The following TSPAN5 variants were observed in gnomAD, a reference collection of about 807,000 sequenced individuals.
The protein encoded by TSPAN5 is tetraspanin 5, also known as tetraspanin-5.
In TSPAN5, 10 loss-of-function variants were observed where a neutral mutation model predicts 37.1. That is an observed-to-expected ratio of 0.27 (90% CI 0.17 to 0.46). TSPAN5 has a LOEUF of 0.46. Among genes scored for constraint, TSPAN5 ranks in the 20% least tolerant of loss-of-function variants. The pLI is 1.00. For synonymous variants in TSPAN5, 110 were observed against 118.9 expected (o/e 0.93, Z 0.48); for missense variants, 195 against 326.6 (o/e 0.60, Z 3.11).
At position 98,533,946 on chromosome 4, in the gene TSPAN5, A is replaced by AAAAAAAAAAAC. The variant is rs1157024919; in HGVS notation, c.82-26219_82-26218insGTTTTTTTTTT. Among the ~76,000 whole-genome samples, 402 of 140,288 alleles carry AAAAAAAAAAAC rather than the reference A, an allele frequency of 2.9e-3. 23 individuals are homozygous for AAAAAAAAAAAC. The highest frequency in any genetic ancestry group is 6.3e-3 in the South Asian group (27 of 4,256). The allele number at this position is 140,288 out of a possible 152,430, so 92.0% of individuals were successfully genotyped here. A position where few individuals can be genotyped will look rare whatever the true frequency, so the allele number is the denominator to read the frequency against. ...TATCCATTTTGTTGATCTTAAAAAAAAAAAAAAAAAAAAAAACCAGCTCCT... is the reference window on the plus strand; with the variant it reads ...TATCCATTTTGTTGATCTTAAAAAAAAAAAAAAAAACAAAAAAAAAAAAAAAACCAGCTCCT... On this transcript the variant is annotated intron_variant, in intron 1 of 7. Coordinates refer to ENST00000305798, the MANE Select transcript of TSPAN5 (RefSeq NM_005723.4).
intron 7 of TSPAN5, among the ~76,000 whole-genome samples, chr4:98,475,816 C>T (rs1029251757): frequency 6.6e-5 from 10 of 151,920 alleles, no homozygotes; most frequent in East Asian, 1.9e-4. Flanking sequence ...GGTGAAACCC[C>T]GTCTCTATTA....
intron 1 of TSPAN5, among the ~76,000 whole-genome samples, chr4:98,574,025 C>A (rs17027779): frequency 0.17 from 25,764 of 152,074 alleles, 2,601 homozygotes; most frequent in East Asian, 0.42. Flanking sequence ...AAACTGGCCA[C>A]AATGTCATCA....
At chr4:98,561,162 A>C (rs987564979) in intron 1 of TSPAN5, among the ~76,000 whole-genome samples, 20 of 152,218 alleles carry the variant, frequency 1.3e-4, no homozygotes, top group African/African-American at 4.6e-4. Context: ...AAACAAATAT[A>C]TCCACTCCAT....
chr4:98,551,473 G>GT (rs1754613350), intron 1 of TSPAN5, among the ~76,000 whole-genome samples: 1 of 141,518 alleles, frequency 7.1e-6, no homozygotes, highest in Non-Finnish European at 1.5e-5. Flanking sequence ...TCTTTGTATG[G>GT]TTTTTTCCTT....
At chr4:98,503,031 C>G (rs1753389499) in intron 2 of TSPAN5, among the ~76,000 whole-genome samples, 1 of 151,892 alleles carries the variant, frequency 6.6e-6, no homozygotes, top group Non-Finnish European at 1.5e-5. Flanking sequence ...AAATGTATAG[C>G]TGAAATCAAG....
chr4:98,524,056 A>C (rs1056118209), intron 1 of TSPAN5, among the ~76,000 whole-genome samples: 3 of 152,224 alleles, frequency 2.0e-5, no homozygotes, highest in Non-Finnish European at 4.4e-5. Context: ...AGTGTAATTA[A>C]AAAGTCTCTT....
intron 1 of TSPAN5, among the ~76,000 whole-genome samples, chr4:98,530,956 G>T (rs1315169039): frequency 6.6e-6 from 1 of 152,248 alleles, no homozygotes; most frequent in East Asian, 1.9e-4. Flanking sequence ...GCCCAGGCTG[G>T]AGTATAGTGG....
At chr4:98,610,024 G>T (rs1474316891) in intron 1 of TSPAN5, among the ~76,000 whole-genome samples, 1 of 152,188 alleles carries the variant, frequency 6.6e-6, no homozygotes, top group Admixed American at 6.5e-5. Flanking sequence ...GTACAGCAAA[G>T]GCCCCGGGCC....
chr4:98,628,468 G>T (rs981639081), intron 1 of TSPAN5, among the ~76,000 whole-genome samples: 1 of 152,052 alleles, frequency 6.6e-6, no homozygotes, highest in African/African-American at 2.4e-5. Context: ...CCTGGTATTG[G>T]TTTAATTTGA....
intron 1 of TSPAN5, among the ~76,000 whole-genome samples, chr4:98,586,180 G>A (rs980697513): frequency 2.0e-5 from 3 of 152,190 alleles, no homozygotes; most frequent in Admixed American, 1.3e-4. Context: ...GCAGACTGAA[G>A]TTTTAAGAGT....
At chr4:98,519,203 C>T (rs976933331) in intron 1 of TSPAN5, among the ~76,000 whole-genome samples, 3 of 152,166 alleles carry the variant, frequency 2.0e-5, no homozygotes, top group Non-Finnish European at 4.4e-5. Context: ...AAATTATGGG[C>T]CTTTAGGTCC....
intron 1 of TSPAN5, among the ~76,000 whole-genome samples, chr4:98,590,940 C>T (rs903643822): frequency 4.6e-5 from 7 of 152,144 alleles, no homozygotes; most frequent in Admixed American, 1.3e-4. Flanking sequence ...ACTTTGGGTA[C>T]CTGTAATCAG....
intron 1 of TSPAN5, among the ~76,000 whole-genome samples, chr4:98,622,815 C>T (rs1486746831): frequency 1.3e-5 from 2 of 152,068 alleles, no homozygotes; most frequent in Non-Finnish European, 1.5e-5. Flanking sequence ...AAAAGAGGGG[C>T]TTCTGAACTT....
chr4:98,477,860 A>G (rs1479753958), intron 5 of TSPAN5, among the ~76,000 whole-genome samples: 1 of 151,588 alleles, frequency 6.6e-6, no homozygotes, highest in East Asian at 1.9e-4. Flanking sequence ...GGGTCTCACT[A>G]TGTTGCTCAG....
intron 1 of TSPAN5, among the ~76,000 whole-genome samples, chr4:98,649,261 C>A (rs115594372): frequency 0.016 from 2,429 of 152,172 alleles, 71 homozygotes; most frequent in African/African-American, 0.055. Flanking sequence ...TCAGTCCACA[C>A]CCCACCAGCA....
intron 1 of TSPAN5, among the ~76,000 whole-genome samples, chr4:98,614,213 A>C (rs778651398): frequency 1.6e-4 from 24 of 151,600 alleles, no homozygotes; most frequent in Admixed American, 1.1e-3. Flanking sequence ...ACTGAAATGA[A>C]CTGCCTAAAA....
intron 1 of TSPAN5, among the ~76,000 whole-genome samples, chr4:98,528,300 A>G (rs1754007344): frequency 6.6e-6 from 1 of 152,210 alleles, no homozygotes; most frequent in Non-Finnish European, 1.5e-5. Context: ...TTCCTTAAAT[A>G]TGCAGAAATA....
chr4:98,521,804 C>CTG (rs749209058), intron 1 of TSPAN5, among the ~76,000 whole-genome samples: 69 of 152,028 alleles, frequency 4.5e-4, no homozygotes, highest in Non-Finnish European at 7.9e-4. Context: ...GCCTATATAT[C>CTG]TGTGTGTGTT....
intron 1 of TSPAN5, among the ~76,000 whole-genome samples, chr4:98,651,058 A>AT (rs1757176391): frequency 6.6e-6 from 1 of 152,242 alleles, no homozygotes; most frequent in Admixed American, 6.5e-5. Flanking sequence ...ACATTTATAA[A>AT]TTACAAATGA....
Sources: gnomAD v4.1 joint callset for allele counts (sites outside exome capture counted in the v4.1 genomes callset) on GRCh38, gnomAD v4.1.1 for gene constraint, MANE v1.5 for transcripts, NCBI Gene and HGNC (gene_info 2026-07-23, HGNC 2026-07-21) for gene names.